Variants in RSPH4A observed in about 807,000 individuals in gnomAD.
The protein encoded by RSPH4A is radial spoke head protein 4 homolog A.
In RSPH4A, 47 loss-of-function variants were observed where a neutral mutation model predicts 71.0. The observed-to-expected ratio is 0.66, with a 90% CI of 0.52 to 0.84. The LOEUF is 0.84. Among genes scored for constraint, RSPH4A ranks in the 40% least tolerant of loss-of-function variants. RSPH4A has a pLI of 0.00. For synonymous variants in RSPH4A, 282 were observed against 302.3 expected, an observed-to-expected ratio of 0.93 and a Z score of 0.70; for missense variants, 793 against 855.2, an observed-to-expected ratio of 0.93 and a Z score of 0.91.
Position 116,627,971 on chromosome 6 carries a change from A to C in RSPH4A, c.1264A>C (p.Ser422Arg), listed in dbSNP as rs201899176. Residue 422 changes from serine to arginine, a missense_variant, in exon 3 of 6, where the codon AGT (serine) becomes CGT (arginine). By Grantham distance (110) the Ser-to-Arg change is moderately radical. Transcript: ENST00000229554. Reference sequence around the variant, plus strand: ...CCCACAGGCTATACCAAAAGAAGAAAGTAGAACAGGTGCCAACAAATATGT... The same window carrying C: ...CCCACAGGCTATACCAAAAGAAGAACGTAGAACAGGTGCCAACAAATATGT... ...KAPQAIPKEESRTGANKYVYF... is the reference protein window; with the variant it reads ...KAPQAIPKEERRTGANKYVYF... 1.2e-5 allele frequency: 19 copies of C among 1,614,098 alleles called. No individual in the cohort carries two copies. The highest frequency in any genetic ancestry group is 1.6e-5 in the Non-Finnish European group (19 of 1,180,040).
chr6:116,632,307 C>A lies in RSPH4A; in HGVS notation c.2017C>A (p.Pro673Thr), dbSNP rs920942886. 8 of 1,613,538 alleles carry A rather than the reference C, an allele frequency of 5.0e-6. No homozygotes were observed. The highest frequency in any genetic ancestry group is 1.1e-5 in the South Asian group (1 of 91,066). Residue 673 changes from proline (P) to threonine (T), a missense_variant, in exon 6 of 6, where the codon CCA becomes ACA. Coordinates refer to ENST00000229554, the MANE Select transcript of RSPH4A (RefSeq NM_001010892.3). ...AGTTTATCAAGAATACCCCAGTGGA[C>A]CAGAAATTACAGAAATGGATGATCC... ...PPVYQEYPSG[P>T]EITEMDDPSV...
chr6:116,632,888 G>C lies in RSPH4A; in HGVS notation c.*447G>C, dbSNP rs1169425607. 2 of 188,508 alleles carry C rather than the reference G, an allele frequency of 1.1e-5. No homozygotes were observed. Among genetic ancestry groups the C allele is most frequent in the East Asian group, 2.7e-4 (2 of 7,460 alleles). 11.7% of individuals were successfully genotyped at this position (188,508 alleles called of 1,614,324 possible). ...AATACTTTTTAAAGAGTGTCAAGGGGTATGAAGACAAAAAATATTGATAGT... is the reference window on the plus strand; with the variant it reads ...AATACTTTTTAAAGAGTGTCAAGGGCTATGAAGACAAAAAATATTGATAGT... On this transcript the variant is annotated 3_prime_UTR_variant, in exon 6 of 6. Coordinates refer to ENST00000229554, the MANE Select transcript of RSPH4A (RefSeq NM_001010892.3).
chr6:116,620,318 A>G (rs1198273020), intron 1 of RSPH4A, among the ~76,000 whole-genome samples: 1 of 152,198 alleles, frequency 6.6e-6, no homozygotes, highest in African/African-American at 2.4e-5. Context: ...CTCTGAGGTA[A>G]TAAGTGAATA....
chr6:116,628,100 C>T lies in RSPH4A; in HGVS notation c.1393C>T (p.Arg465Ter), dbSNP rs755782051. The T allele has an allele frequency of 9.9e-6, 16 of 1,613,922 alleles. No homozygotes were observed. The highest frequency in any genetic ancestry group is 8.3e-5 in the Admixed American group (5 of 59,978). ...AAAAATCAAGAAATTTTTCACTGGG[C>T]GATTGGATGCTCCCATCATAAGCTA... is the stretch of plus-strand genomic sequence containing the variant. ...ARKIKKFFTG[R>*]LDAPIISYPP... The change falls in exon 3 of 6, where the codon CGA (arginine) becomes TGA (stop). Residue 465 changes from arginine to a stop codon, truncating the protein, a stop_gained. Transcript: ENST00000229554. LOFTEE classifies it high-confidence loss of function.
rs3033963 is a variant in RSPH4A, at chr6:116,623,097, C to CTTGTTTTGTTTTGTTTTGTTTTGTT, written c.921+102_921+126dup. The CTTGTTTTGTTTTGTTTTGTTTTGTT allele has an allele frequency of 3.0e-3, 2,251 of 762,770 alleles. 49 individuals are homozygous for CTTGTTTTGTTTTGTTTTGTTTTGTT. Among genetic ancestry groups the CTTGTTTTGTTTTGTTTTGTTTTGTT allele is most frequent in the South Asian group, 0.022 (1,372 of 61,714 alleles). The allele number at this position is 762,770 out of a possible 1,614,324, so 47.3% of individuals were successfully genotyped here. A position where few individuals can be genotyped will look rare whatever the true frequency, so the allele number is the denominator to read the frequency against. On this transcript the variant is annotated intron_variant, in intron 2 of 5. Coordinates refer to ENST00000229554, the MANE Select transcript of RSPH4A (RefSeq NM_001010892.3). ...AATTCATACCAACTGTATTTTATAG[C>CTTGTTTTGTTTTGTTTTGTTTTGTT]TTGTTTTGTTTTGTTTTGTTTTGTT...
intron 5 of RSPH4A, 97 bp from the exon 6 acceptor site, chr6:116,632,110 A>G: frequency 1.2e-6 from 1 of 830,730 alleles, no homozygotes; most frequent in South Asian, 1.6e-5. Flanking sequence ...AAATTATAGG[A>G]CCATGATATT....
intron 1 of RSPH4A, among the ~76,000 whole-genome samples, chr6:116,617,525 T>G (rs1775532476): frequency 6.6e-6 from 1 of 151,582 alleles, no homozygotes; most frequent in South Asian, 2.1e-4. Context: ...TTTTTTTTTT[T>G]GTCCTTTTCC....
intron 3 of RSPH4A, 58 bp from the exon 4 acceptor site, chr6:116,629,509 T>C: frequency 6.4e-7 from 1 of 1,555,316 alleles, no homozygotes; most frequent in Non-Finnish European, 8.9e-7. Flanking sequence ...TTCAAATGAA[T>C]AATCTGAAAT....
In RSPH4A at chr6:116,629,668, G is replaced by T. The variant is rs376516018; in HGVS notation, c.1764G>T (p.Gly588=). The change falls in exon 4 of 6, where the codon GGG becomes GGT. Residue 588 remains glycine, a synonymous_variant. Transcript: ENST00000229554. ...CTGACTACATAGAACAGGAAGTGGG[G>T]CTTCCTCTTTTGACACCAATCTCTG... ...DDSDYIEQEV[G]LPLLTPISED... is the part of the protein sequence containing the mutation. The T allele has an allele frequency of 1.2e-6, 2 of 1,612,886 alleles. No individual in the cohort carries two copies. Among genetic ancestry groups the T allele is most frequent in the East Asian group, 4.5e-5 (2 of 44,854 alleles).
Position 116,627,838 on chromosome 6 carries a change from A to C in RSPH4A, c.1131A>C (p.Glu377Asp), listed in dbSNP as rs1163511438. The C allele has an allele frequency of 1.2e-6, 2 of 1,614,002 alleles. No homozygotes were observed. Among genetic ancestry groups the C allele is most frequent in the African/African-American group, 2.7e-5 (2 of 74,928 alleles). The change falls in exon 3 of 6, where the codon GAA becomes GAC. Residue 377 changes from glutamate to aspartate, a missense_variant. Transcript: ENST00000229554. ...IVAEVEFREG[E>D]DEEEVEEEDV... The stretch of plus-strand genomic sequence containing the variant: ...CTGAAGTGGAATTTCGTGAGGGGGA[A>C]GATGAAGAGGAAGTGGAAGAGGAAG...
At chr6:116,623,366 G>C (rs573231071) in intron 2 of RSPH4A, among the ~76,000 whole-genome samples, 5 of 152,126 alleles carry the variant, frequency 3.3e-5, no homozygotes, top group Non-Finnish European at 7.4e-5. Context: ...GATTACAGGC[G>C]TGAGCTACTG....
At chr6:116,630,370 T>G (rs1205401409) in intron 4 of RSPH4A, 65 bp from the exon 5 acceptor site, 2 of 843,756 alleles carry the variant, frequency 2.4e-6, no homozygotes, top group African/African-American at 1.7e-5. Context: ...TTTATAAAAA[T>G]AGCTTACACA....
intron 5 of RSPH4A, among the ~76,000 whole-genome samples, chr6:116,631,991 G>C (rs1334432961): frequency 4.0e-5 from 6 of 151,200 alleles, no homozygotes; most frequent in Non-Finnish European, 7.4e-5. Context: ...CTGGCCCCAT[G>C]GTTTTTTTTT....
intron 2 of RSPH4A, among the ~76,000 whole-genome samples, chr6:116,625,284 G>A (rs1775676635): frequency 6.6e-6 from 1 of 152,110 alleles, no homozygotes; most frequent in African/African-American, 2.4e-5. Context: ...ATAAGCAGGA[G>A]TTCACCAGGT....
intron 3 of RSPH4A, 148 bp from the exon 4 acceptor site, chr6:116,629,419 T>C (rs149514420): frequency 7.4e-5 from 66 of 896,032 alleles, no homozygotes; most frequent in African/African-American, 7.0e-4. Flanking sequence ...TAGATCAAAA[T>C]AGCACTTGGA....
chr6:116,631,457 T>G (rs895759675), intron 5 of RSPH4A, among the ~76,000 whole-genome samples: 6 of 151,914 alleles, frequency 3.9e-5, no homozygotes, highest in Non-Finnish European at 5.9e-5. Flanking sequence ...GATGTGGAGG[T>G]GCTGGGGTCA....
Position 116,628,303 on chromosome 6 carries a change from C to A in RSPH4A, c.1596C>A (p.Ile532=). The A allele has an allele frequency of 6.2e-7, 1 of 1,611,922 alleles. No individual in the cohort carries two copies. Among genetic ancestry groups the A allele is most frequent in the African/African-American group, 1.3e-5 (1 of 74,876 alleles). The part of the protein sequence containing the change: ...SFEENPDFEG[I]QVIDLVESLS... ...AGGAAAACCCTGATTTTGAAGGCAT[C>A]CAAGTGATTGATCTAGTAGAATCCC... Residue 532 remains isoleucine (I), a synonymous_variant, in exon 3 of 6, where the codon ATC becomes ATA. Coordinates refer to ENST00000229554, the MANE Select transcript of RSPH4A (RefSeq NM_001010892.3).
At chr6:116,626,124 G>A (rs1775688207) in intron 2 of RSPH4A, among the ~76,000 whole-genome samples, 1 of 152,150 alleles carries the variant, frequency 6.6e-6, no homozygotes, top group Middle Eastern at 3.2e-3. Context: ...AAGAGTGAGT[G>A]GTACAGCAAA....
intron 5 of RSPH4A, 112 bp downstream of exon 5, chr6:116,630,664 CGTGTTTTTTTTTTTT>C: frequency 4.0e-6 from 1 of 252,066 alleles, no homozygotes; most frequent in Non-Finnish European, 7.0e-6. Context: ...TTTTTTTTTT[CGTGTTTTTTTTTTTT>C]TTTTTTTTTT....
Sources: allele counts gnomAD v4.1 joint callset (sites outside exome capture counted in the v4.1 genomes callset), GRCh38; gene constraint gnomAD v4.1.1; transcripts MANE v1.5; gene names NCBI Gene and HGNC (gene_info 2026-07-23, HGNC 2026-07-21).